Variants in ZNF675 observed in about 807,000 individuals in gnomAD.
ZNF675 encodes the protein TRAF6 inhibitory zinc finger.
ZNF675 carries 36 observed loss-of-function variants against 56.1 expected under a neutral mutation model. That is an observed-to-expected ratio of 0.64 (90% confidence interval 0.49 to 0.85). The LOEUF (loss-of-function observed/expected upper bound fraction) is 0.85, where lower values mean the gene tolerates loss of function less well. Ranked by LOEUF, ZNF675 falls within the 40% of genes least tolerant of loss-of-function variation. The probability of loss-of-function intolerance (pLI) is 0.00; values close to 1 mark genes in which losing one functional copy is unlikely to be tolerated. For missense variants in ZNF675, 663 were observed against 654.2 expected, an observed-to-expected ratio of 1.01 and a Z score of -0.15; for synonymous variants, 200 against 218.9, an observed-to-expected ratio of 0.91 and a Z score of 0.76.
rs147434513 is a variant in ZNF675, at chr19:23,674,879, C to T, written c.4-11721G>A. On this transcript the variant is annotated intron_variant, in intron 1 of 3. Transcript: ENST00000359788. ...CCCAGCTACTTGGGAGGCTGAGGCA[C>T]GAGAATCACTTGAACCCGGGAGGCA... Among the ~76,000 whole-genome samples the T allele has an allele frequency of 6.6e-3, 986 of 149,994 alleles. 6 individuals are homozygous for T. The highest frequency in any genetic ancestry group is 0.024 in the Middle Eastern group (7 of 292).
chr19:23,674,286 T>C (rs1209671306), intron 1 of ZNF675, among the ~76,000 whole-genome samples: 1 of 151,904 alleles, frequency 6.6e-6, no homozygotes, highest in Non-Finnish European at 1.5e-5. Context: ...CCTGTTAATA[T>C]GATACACATT....
intron 3 of ZNF675, among the ~76,000 whole-genome samples, chr19:23,657,914 G>A (rs998635852): frequency 1.3e-5 from 2 of 152,032 alleles, no homozygotes; most frequent in Non-Finnish European, 1.5e-5. Context: ...CCCACAAAGT[G>A]TACAAACAAT....
rs181968747 is a variant in ZNF675 at position 23,670,890 on chromosome 19, A to T, written c.4-7732T>A. On this transcript the variant is annotated intron_variant, in intron 1 of 3. Transcript: ENST00000359788. ...TTTGACGCCACCCACCAGGAAGCGGATGGATTATTCACCTGAAACCCTCAG... is the reference window on the plus strand; with the variant it reads ...TTTGACGCCACCCACCAGGAAGCGGTTGGATTATTCACCTGAAACCCTCAG... Among the ~76,000 whole-genome samples the T allele has an allele frequency of 9.4e-4, 143 of 152,280 alleles. 2 individuals carry two copies. Among genetic ancestry groups the T allele is most frequent in the African/African-American group, 3.3e-3 (136 of 41,568 alleles).
At chr19:23,680,993 C>A (rs1393024924) in intron 1 of ZNF675, among the ~76,000 whole-genome samples, 2 of 151,542 alleles carry the variant, frequency 1.3e-5, no homozygotes, top group African/African-American at 4.9e-5. Context: ...ACTTATGAAC[C>A]AAAAATAAAA....
intron 1 of ZNF675, among the ~76,000 whole-genome samples, chr19:23,665,215 C>G (rs1042723346): frequency 6.6e-6 from 1 of 151,598 alleles, no homozygotes; most frequent in African/African-American, 2.4e-5. Context: ...CGAGGTGGCA[C>G]TTGCTTATAA....
chr19:23,679,660 A>T (rs1342504743), intron 1 of ZNF675, among the ~76,000 whole-genome samples: 1 of 75,920 alleles, frequency 1.3e-5, no homozygotes, highest in Non-Finnish European at 2.4e-5. Flanking sequence ...AACTTAAATA[A>T]GTTTACAAGA....
In ZNF675 at chr19:23,665,576, A is replaced by G. The variant is rs552408568; in HGVS notation, c.4-2418T>C. ...AGTGGCGTGATCTCGACTCACTGCAACCTCCGCCCCCTGGGTTCAAGCGAT... is the reference window on the plus strand; with the variant it reads ...AGTGGCGTGATCTCGACTCACTGCAGCCTCCGCCCCCTGGGTTCAAGCGAT... On this transcript the variant is annotated intron_variant, in intron 1 of 3. Transcript: ENST00000359788. 2.7e-5 allele frequency among the ~76,000 whole-genome samples: 4 copies of G among 150,066 alleles called. 1 individual carries two copies. In the South Asian group the frequency reaches 8.7e-4, roughly 33 times the overall value.
rs747937123 is a variant in ZNF675 at position 23,653,477 on chromosome 19, C to T, written c.1456G>A (p.Gly486Ser). Residue 486 changes from glycine to serine, a missense_variant, in exon 4 of 4, where the codon GGC (glycine) becomes AGC (serine). Transcript: ENST00000359788. The stretch of plus-strand genomic sequence containing the variant: ...GATGAGGAGTGTTTAAAAGCTTTGC[C>T]ACATTCTTCACACTTGTAGGGTATC... The part of the protein sequence containing the change: ...GEIPYKCEEC[G>S]KAFKHSSSLT... The T allele has an allele frequency of 1.1e-5, 18 of 1,613,062 alleles. No individual in the cohort carries two copies. Among genetic ancestry groups the T allele is most frequent in the Non-Finnish European group, 1.5e-5 (18 of 1,179,904 alleles).
Position 23,654,466 on chromosome 19 carries a change from A to C in ZNF675, c.467T>G (p.Phe156Cys). ...CDKYVKVFNK[F>C]SHSDRHKIKH... ...TATCTTATGTCTATCTGAATGTGAAAATTTATTAAAGACTTTCACATATTT... is the reference window on the plus strand; with the variant it reads ...TATCTTATGTCTATCTGAATGTGAACATTTATTAAAGACTTTCACATATTT... Residue 156 changes from phenylalanine to cysteine, a missense_variant, in exon 4 of 4, where the codon TTT becomes TGT. Physicochemically the swap from Phe to Cys is radical, Grantham distance 205 (BLOSUM62 -2). This residue lies in a region of ZNF675 where 617 missense variants were observed against 590.5 expected (regional missense o/e 1.04). Coordinates refer to ENST00000359788, the MANE Select transcript of ZNF675 (RefSeq NM_138330.3). The C allele has an allele frequency of 6.2e-7, 1 of 1,601,818 alleles. No homozygotes were observed. The highest frequency in any genetic ancestry group is 8.5e-7 in the Non-Finnish European group (1 of 1,175,606).
chr19:23,680,932 A>C (rs1428254500), intron 1 of ZNF675, among the ~76,000 whole-genome samples: 2 of 151,792 alleles, frequency 1.3e-5, no homozygotes, highest in Non-Finnish European at 2.9e-5. Context: ...AATAATCTGC[A>C]CACCAAACCT....
chr19:23,661,058 T>C (rs1968070458), intron 3 of ZNF675, among the ~76,000 whole-genome samples: 1 of 151,918 alleles, frequency 6.6e-6, no homozygotes, highest in South Asian at 2.1e-4. Flanking sequence ...GCCTCCTGAG[T>C]AGCTGGGATT....
At chr19:23,677,286 T>C (rs913093876) in intron 1 of ZNF675, among the ~76,000 whole-genome samples, 1 of 151,284 alleles carries the variant, frequency 6.6e-6, no homozygotes, top group Non-Finnish European at 1.5e-5. Context: ...AAAAAACCTA[T>C]AGTCTCAGCA....
intron 1 of ZNF675, among the ~76,000 whole-genome samples, chr19:23,678,962 C>T (rs184583451): frequency 4.0e-5 from 6 of 151,116 alleles, no homozygotes; most frequent in Non-Finnish European, 5.9e-5. Flanking sequence ...GTCAGGAGAT[C>T]GAGACCATCC....
At chr19:23,685,227 G>C (rs1968428234) in intron 1 of ZNF675, among the ~76,000 whole-genome samples, 1 of 152,140 alleles carries the variant, frequency 6.6e-6, no homozygotes, top group African/African-American at 2.4e-5. Flanking sequence ...GACTCCCAAA[G>C]TGCTGGGATT....
chr19:23,658,908 G>GATAGATATAGATCTATAGATACCGATCT lies in ZNF675; in HGVS notation c.226+3178_226+3205dup, dbSNP rs1968035898. Among the ~76,000 whole-genome samples, 33 of 25,210 alleles carry GATAGATATAGATCTATAGATACCGATCT rather than the reference G, an allele frequency of 1.3e-3. 1 individual carries two copies. Among genetic ancestry groups the GATAGATATAGATCTATAGATACCGATCT allele is most frequent in the African/African-American group, 4.4e-3 (29 of 6,568 alleles). 16.5% of individuals were successfully genotyped at this position (25,210 alleles called of 152,430 possible). On this transcript the variant is annotated intron_variant, in intron 3 of 3. Transcript: ENST00000359788. ...AGATATAGATCTATAGATATCTATA[G>GATAGATATAGATCTATAGATACCGATCT]ATAGATATAGATCTATAGATACCGA... is the stretch of plus-strand genomic sequence containing the variant.
chr19:23,664,821 C>T (rs919069982), intron 1 of ZNF675, among the ~76,000 whole-genome samples: 2 of 152,012 alleles, frequency 1.3e-5, no homozygotes, highest in Admixed American at 6.6e-5. Flanking sequence ...CATAATGGTA[C>T]GTGCCTGTAA....
intron 1 of ZNF675, among the ~76,000 whole-genome samples, chr19:23,673,646 G>A (rs572697801): frequency 6.6e-6 from 1 of 152,198 alleles, no homozygotes; most frequent in African/African-American, 2.4e-5. Context: ...GACAGTGTTT[G>A]GGAAATATCA....
At chr19:23,680,769 AAAT>A (rs1172755165) in intron 1 of ZNF675, among the ~76,000 whole-genome samples, 4 of 151,738 alleles carry the variant, frequency 2.6e-5, no homozygotes, top group East Asian at 1.9e-4. Flanking sequence ...AAATTTAAAA[AAAT>A]AATAATAATA....
chr19:23,663,227 A>T, intron 1 of ZNF675, 69 bp from the exon 2 acceptor site: 1 of 1,547,738 alleles, frequency 6.5e-7, no homozygotes, highest in South Asian at 1.2e-5. Context: ...ACTCAAGGTA[A>T]AATGAGAGAC....
Sources: gnomAD v4.1 joint callset for allele counts (sites outside exome capture counted in the v4.1 genomes callset) on GRCh38, gnomAD v4.1.1 for gene constraint, gnomAD v4.1.1 regional missense constraint, MANE v1.5 for transcripts, NCBI Gene and HGNC (gene_info 2026-07-23, HGNC 2026-07-21) for gene names.